The following USP4 variants were observed in gnomAD, a reference collection of about 807,000 sequenced individuals.
USP4 encodes the protein ubiquitin carboxyl-terminal hydrolase 4.
A neutral mutation model predicts 118.2 loss-of-function variants in USP4; 72 were observed. The observed-to-expected ratio is 0.61, with a 90% CI of 0.50 to 0.74. The LOEUF is 0.74. USP4 is among the 30% of genes least tolerant of loss of function. USP4 has a pLI of 0.00. For synonymous variants in USP4, 415 were observed against 440.4 expected (o/e 0.94, Z 0.72); for missense variants, 1,037 against 1,185.7 (o/e 0.87, Z 1.84).
intron 11 of USP4, among the ~76,000 whole-genome samples, chr3:49,299,153 G>A (rs1027798455): frequency 7.9e-5 from 12 of 151,956 alleles, no homozygotes; most frequent in Non-Finnish European, 1.0e-4. Context: ...GCAGTGACGC[G>A]ATCTTGGCTC....
chr3:49,288,210 T>C lies in USP4; in HGVS notation c.1973-1885A>G, dbSNP rs184819051. On this transcript the variant is annotated intron_variant, in intron 15 of 21. Transcript: ENST00000265560. ...TACACTGGCAAGAAAAAACCTGCCC[T>C]GCCTGCTGCCTCTCGGAGAAGGGCA... Among the ~76,000 whole-genome samples the C allele has an allele frequency of 4.6e-3, 695 of 152,270 alleles. 7 individuals carry two copies. The highest frequency in any genetic ancestry group is 0.015 in the African/African-American group (625 of 41,570).
At chr3:49,318,504 C>T (rs1321277112) in intron 6 of USP4, 10 of 985,316 alleles carry the variant, frequency 1.0e-5, no homozygotes, top group Non-Finnish European at 1.2e-5. Context: ...TCTACACAAA[C>T]CCTTGAGAAA....
At chr3:49,338,662 C>CA (rs1184984948) in intron 1 of USP4, among the ~76,000 whole-genome samples, 1,627 of 52,538 alleles carry the variant, frequency 0.031, 17 homozygotes, top group East Asian at 0.084. Flanking sequence ...AATTCCTTCT[C>CA]AAAAAAAAAA....
rs1559479216 is a variant in USP4, at chr3:49,325,789, T to A, written c.417A>T (p.Glu139Asp). ...KHCKVEVYLL[E>D]LKLCENSDPT... Reference sequence around the variant, plus strand: ...GGTCACTGTTCTCACAGAGCTTCAGTTCCAGCAAATACACCTCGACTTTGC... The same window carrying A: ...GGTCACTGTTCTCACAGAGCTTCAGATCCAGCAAATACACCTCGACTTTGC... The change falls in exon 4 of 22, where the codon GAA (glutamate) becomes GAT (aspartate). Residue 139 changes from glutamate (E) to aspartate (D), a missense_variant. Glu to Asp is a conservative substitution (Grantham distance 45). Around this residue, in one of 3 missense-constraint regions of USP4, gnomAD observed 487 missense variants for 534.1 expected, o/e 0.91. Transcript: ENST00000265560. 1 of 1,614,006 alleles carries A rather than the reference T, an allele frequency of 6.2e-7. No homozygotes were observed. The highest frequency in any genetic ancestry group is 8.5e-7 in the Non-Finnish European group (1 of 1,179,950).
intron 6 of USP4, chr3:49,316,781 T>C (rs953166942): frequency 2.2e-6 from 1 of 459,030 alleles, no homozygotes; most frequent in Non-Finnish European, 3.9e-6. Flanking sequence ...GGGACCTCCA[T>C]GGTGCTCAGA....
At chr3:49,326,449 T>A (rs1364495120) in intron 3 of USP4, among the ~76,000 whole-genome samples, 1 of 152,054 alleles carries the variant, frequency 6.6e-6, no homozygotes, top group East Asian at 1.9e-4. Context: ...CAGCCTGGAG[T>A]GCAGTGGTGC....
Position 49,277,740 on chromosome 3 carries a change from G to A in USP4, c.*553C>T, listed in dbSNP as rs944328918. The stretch of plus-strand genomic sequence containing the variant: ...AACACTAGATATCTTCCTTAGCGGG[G>A]AGAAAGCTGGAAATTACAAGATGAC... On this transcript the variant is annotated 3_prime_UTR_variant, in exon 22 of 22. Coordinates refer to ENST00000265560, the MANE Select transcript of USP4 (RefSeq NM_003363.4). 9.7e-5 allele frequency: 16 copies of A among 164,878 alleles called. No homozygotes were observed. Among genetic ancestry groups the A allele is most frequent in the Non-Finnish European group, 1.8e-4 (14 of 76,976 alleles). 10.2% of individuals were successfully genotyped at this position (164,878 alleles called of 1,614,324 possible). A position where few individuals can be genotyped will look rare whatever the true frequency, so the allele number is the denominator to read the frequency against.
intron 8 of USP4, among the ~76,000 whole-genome samples, chr3:49,307,984 CAG>C (rs2107785395): frequency 6.6e-6 from 1 of 151,950 alleles, no homozygotes; most frequent in South Asian, 2.1e-4. Context: ...GCCTGGGCAT[CAG>C]AGAGAGTTCC....
In USP4 at chr3:49,317,447, T is replaced by A. The variant is rs74818579; in HGVS notation, c.696-5793A>T. 4.3e-3 allele frequency: 3,530 copies of A among 826,980 alleles called. 85 individuals carry two copies. The African/African-American group carries it at 0.047, about 11-fold the overall frequency. The allele number at this position is 826,980 out of a possible 1,614,324, so 51.2% of individuals were successfully genotyped here. A position where few individuals can be genotyped will look rare whatever the true frequency, so the allele number is the denominator to read the frequency against. On this transcript the variant is annotated intron_variant, in intron 6 of 21. Transcript: ENST00000265560. ...TTGTTGTCGTAGTTCTGCAGCGCCA[T>A]GCCCTGCTGGGTCAACATCTCCTGG...
chr3:49,310,830 T>G, intron 7 of USP4, 93 bp from the exon 8 acceptor site: 1 of 972,388 alleles, frequency 1.0e-6, no homozygotes, highest in South Asian at 1.4e-5. Context: ...CCTCTAGAAC[T>G]TGTGTGGTAG....
At chr3:49,288,654 A>T (rs2047123804) in intron 15 of USP4, among the ~76,000 whole-genome samples, 1 of 151,592 alleles carries the variant, frequency 6.6e-6, no homozygotes, top group Non-Finnish European at 1.5e-5. Flanking sequence ...CAGCCTGGGC[A>T]ACAAGAGCAA....
chr3:49,299,348 GA>G (rs2047240867), intron 11 of USP4, among the ~76,000 whole-genome samples: 1 of 139,790 alleles, frequency 7.2e-6, no homozygotes, highest in Non-Finnish European at 1.6e-5. Context: ...TCGGCCTCCT[GA>G]AGTGCTGGGA....
At chr3:49,300,335 A>G in intron 11 of USP4, 132 bp downstream of exon 11, 3 of 707,798 alleles carry the variant, frequency 4.2e-6, no homozygotes, top group Non-Finnish European at 7.3e-6. Context: ...GGTCTGATGG[A>G]GGCCAAGGGC....
At chr3:49,326,367 A>G (rs2047555561) in intron 3 of USP4, among the ~76,000 whole-genome samples, 1 of 152,028 alleles carries the variant, frequency 6.6e-6, no homozygotes, top group African/African-American at 2.4e-5. Flanking sequence ...GACCAAGAGC[A>G]TCTTGATGAT....
Position 49,281,476 on chromosome 3 carries a change from GTATATATA to G in USP4, c.2541-637_2541-630del, listed in dbSNP as rs568103712. On this transcript the variant is annotated intron_variant, in intron 19 of 21. Transcript: ENST00000265560. ...GTCTCAAAAAAGAAAAAAAGTATGTGTATATATATATATATACACACACACACACACAC... is the reference window on the plus strand; with the variant it reads ...GTCTCAAAAAAGAAAAAAAGTATGTGTATATATACACACACACACACACAC... Among the ~76,000 whole-genome samples the G allele has an allele frequency of 6.4e-3, 678 of 105,958 alleles. 4 individuals are homozygous for G. Among genetic ancestry groups the G allele is most frequent in the Middle Eastern group, 9.8e-3 (2 of 204 alleles). 69.5% of individuals were successfully genotyped at this position (105,958 alleles called of 152,430 possible).
chr3:49,281,884 G>A (rs1436275265), intron 19 of USP4, among the ~76,000 whole-genome samples: 3 of 151,014 alleles, frequency 2.0e-5, no homozygotes, highest in South Asian at 4.2e-4. Flanking sequence ...GGTGGCAGGC[G>A]CCTGTAGTCC....
At chr3:49,317,225 G>A in intron 6 of USP4, 1 of 1,528,376 alleles carries the variant, frequency 6.5e-7, no homozygotes, top group Non-Finnish European at 9.0e-7. Flanking sequence ...GCGATGGTCT[G>A]GTAGAACTTA....
intron 8 of USP4, among the ~76,000 whole-genome samples, chr3:49,307,965 T>C (rs2047336844): frequency 3.3e-5 from 5 of 151,928 alleles, no homozygotes; most frequent in Admixed American, 3.3e-4. Flanking sequence ...ATCATGCCAC[T>C]GCACACTAGC....
chr3:49,308,464 C>T (rs1454144820), intron 8 of USP4, among the ~76,000 whole-genome samples: 3 of 151,928 alleles, frequency 2.0e-5, no homozygotes, highest in East Asian at 1.9e-4. Flanking sequence ...GGATTACAGG[C>T]GCCCGCCACC....
Sources: allele counts gnomAD v4.1 joint callset (sites outside exome capture counted in the v4.1 genomes callset), GRCh38; gene constraint gnomAD v4.1.1; regional missense constraint gnomAD v4.1.1; transcripts MANE v1.5; gene names NCBI Gene and HGNC (gene_info 2026-07-23, HGNC 2026-07-21).